Variants in NRCAM observed in about 807,000 individuals in gnomAD.
The protein encoded by NRCAM is NgCAM-related cell adhesion molecule.
NRCAM carries 83 observed loss-of-function variants against 156.5 expected under a neutral mutation model. The observed-to-expected ratio is 0.53, with a 90% confidence interval of 0.44 to 0.64. The LOEUF is 0.64. NRCAM is among the 30% of genes least tolerant of loss of function. NRCAM has a pLI of 0.00. For missense variants in NRCAM, 1,417 were observed against 1,597.3 expected, an observed-to-expected ratio of 0.89 and a Z score of 1.92; for synonymous variants, 538 against 563.9, an observed-to-expected ratio of 0.95 and a Z score of 0.65.
At chr7:108,191,919 T>A in intron 17 of NRCAM, 66 bp from the exon 18 acceptor site, 1 of 1,520,234 alleles carries the variant, frequency 6.6e-7, no homozygotes, top group Non-Finnish European at 8.9e-7. Context: ...ATTGCTTCAC[T>A]GGCAGGAAAA....
At chr7:108,226,081 G>T in intron 9 of NRCAM, 127 bp downstream of exon 9, 1 of 653,152 alleles carries the variant, frequency 1.5e-6, no homozygotes, top group Non-Finnish European at 2.7e-6. Flanking sequence ...ACTTTAGTGA[G>T]CATTCATGGG....
intron 3 of NRCAM, among the ~76,000 whole-genome samples, chr7:108,277,229 C>T (rs562044669): frequency 5.3e-5 from 8 of 152,210 alleles, no homozygotes; most frequent in African/African-American, 1.4e-4. Flanking sequence ...TTGCTCTTCT[C>T]GAGGTGTATC....
chr7:108,338,056 G>C (rs900686004), intron 2 of NRCAM, among the ~76,000 whole-genome samples: 4 of 152,230 alleles, frequency 2.6e-5, no homozygotes, highest in Non-Finnish European at 5.9e-5. Context: ...GGGAATGTTG[G>C]TCTGCCTGGA....
chr7:108,292,317 A>G (rs2098325720), intron 3 of NRCAM, among the ~76,000 whole-genome samples: 2 of 152,180 alleles, frequency 1.3e-5, no homozygotes, highest in Admixed American at 1.3e-4. Flanking sequence ...CTAGATGCTT[A>G]TTCTGGTCCT....
chr7:108,421,253 T>C (rs1597375724), intron 1 of NRCAM, among the ~76,000 whole-genome samples: 1 of 152,276 alleles, frequency 6.6e-6, no homozygotes, highest in African/African-American at 2.4e-5. Context: ...GCTGAAAGCA[T>C]TAGGAGAGAA....
intron 3 of NRCAM, among the ~76,000 whole-genome samples, chr7:108,297,003 T>C (rs536546073): frequency 6.6e-6 from 1 of 152,312 alleles, no homozygotes; most frequent in South Asian, 2.1e-4. Context: ...CAAGCATTTT[T>C]ACTTAAAATA....
chr7:108,418,390 C>T (rs16872539), intron 1 of NRCAM, among the ~76,000 whole-genome samples: 8,382 of 152,166 alleles, frequency 0.055, 748 homozygotes, highest in African/African-American at 0.19. Flanking sequence ...ACACCAATCA[C>T]GGCTAGGATC....
intron 1 of NRCAM, among the ~76,000 whole-genome samples, chr7:108,402,571 A>G (rs2099795899): frequency 1.3e-5 from 2 of 152,198 alleles, no homozygotes; most frequent in South Asian, 4.1e-4. Flanking sequence ...AAATCCAACC[A>G]TCTATCTGCC....
intron 5 of NRCAM, among the ~76,000 whole-genome samples, chr7:108,237,418 C>A (rs573803030): frequency 4.5e-4 from 69 of 152,292 alleles, no homozygotes; most frequent in Non-Finnish European, 8.2e-4. Flanking sequence ...TTCCAGAAAG[C>A]ATTAATTAGC....
chr7:108,193,788 A>G (rs575141095), intron 17 of NRCAM, among the ~76,000 whole-genome samples: 2 of 152,316 alleles, frequency 1.3e-5, no homozygotes, highest in East Asian at 1.9e-4. Flanking sequence ...CCTGAATTAC[A>G]CAAGAGACCA....
At chr7:108,342,453 C>A (rs2080488) in intron 2 of NRCAM, among the ~76,000 whole-genome samples, 1,539 of 152,286 alleles carry the variant, frequency 0.01, 24 homozygotes, top group African/African-American at 0.034. Flanking sequence ...TTCCCAGGTA[C>A]GGCGAAATAG....
At chr7:108,358,692 T>C (rs961627569) in intron 2 of NRCAM, among the ~76,000 whole-genome samples, 1 of 152,224 alleles carries the variant, frequency 6.6e-6, no homozygotes, top group Non-Finnish European at 1.5e-5. Context: ...AGCCCCAGCG[T>C]ATGCCCTGAA....
intron 3 of NRCAM, among the ~76,000 whole-genome samples, chr7:108,310,962 G>A (rs536212222): frequency 1.3e-5 from 2 of 152,176 alleles, no homozygotes; most frequent in African/African-American, 4.8e-5. Flanking sequence ...CCCTTCACAC[G>A]ATGGAAGAAA....
chr7:108,165,509 T>A (rs574256085), intron 30 of NRCAM, among the ~76,000 whole-genome samples: 1 of 152,340 alleles, frequency 6.6e-6, no homozygotes, highest in South Asian at 2.1e-4. Flanking sequence ...TGACTTTTAG[T>A]ATTTTGAAAA....
Position 108,166,952 on chromosome 7 carries a change from C to T in NRCAM, c.3435G>A (p.Val1145=), listed in dbSNP as rs1249903893. Residue 1145 remains valine (V), a synonymous_variant, in exon 30 of 33, where the codon GTG becomes GTA. Transcript: ENST00000379028. The part of the protein sequence containing the change: ...RVGAVGDSGF[V]SSEDVFETGP... Reference sequence around the variant, plus strand: ...CTGTCTCAAACACATCCTCTGAACTCACAAAACCAGAGTCCCCCACAGCAC... The same window carrying T: ...CTGTCTCAAACACATCCTCTGAACTTACAAAACCAGAGTCCCCCACAGCAC... 6.2e-7 allele frequency: 1 copy of T among 1,613,908 alleles called. No homozygotes were observed. The highest frequency in any genetic ancestry group is 8.5e-7 in the Non-Finnish European group (1 of 1,179,870).
intron 3 of NRCAM, among the ~76,000 whole-genome samples, chr7:108,265,445 T>C (rs546491775): frequency 5.9e-5 from 9 of 152,240 alleles, no homozygotes; most frequent in South Asian, 2.1e-4. Context: ...AGTTTAACAG[T>C]GGGTAGAGTC....
chr7:108,446,184 C>T (rs185623046), intron 1 of NRCAM, among the ~76,000 whole-genome samples: 4 of 152,304 alleles, frequency 2.6e-5, no homozygotes, highest in Admixed American at 2.6e-4. Flanking sequence ...ACAAGGATGT[C>T]ATTTAGACCT....
At chr7:108,211,549 T>C (rs1427693025) in intron 11 of NRCAM, among the ~76,000 whole-genome samples, 1 of 152,178 alleles carries the variant, frequency 6.6e-6, no homozygotes, top group Non-Finnish European at 1.5e-5. Flanking sequence ...GGGTAGGCAC[T>C]GTGGGAGTGA....
intron 1 of NRCAM, among the ~76,000 whole-genome samples, chr7:108,423,520 G>A (rs10241916): frequency 0.89 from 135,133 of 152,244 alleles, 60,708 homozygotes; most frequent in East Asian, 1. Context: ...CTTTGAGCTT[G>A]CTTTAAAAGA....
Sources: gnomAD v4.1 joint callset for allele counts (sites outside exome capture counted in the v4.1 genomes callset) on GRCh38, gnomAD v4.1.1 for gene constraint, MANE v1.5 for transcripts, NCBI Gene and HGNC (gene_info 2026-07-23, HGNC 2026-07-21) for gene names.